Variants in UAP1 observed in about 807,000 individuals in gnomAD.
The protein encoded by UAP1 is UDP-N-acetylglucosamine pyrophosphorylase 1, also known as UDP-N-acetylhexosamine pyrophosphorylase.
In UAP1, 25 loss-of-function variants were observed where a neutral mutation model predicts 58.5. The observed-to-expected ratio is 0.43, with a 90% CI of 0.31 to 0.60. The LOEUF is 0.60. UAP1 is among the 20% of genes least tolerant of loss of function. UAP1 has a pLI of 0.11. For synonymous variants in UAP1, 208 were observed against 213.0 expected, an observed-to-expected ratio of 0.98 and a Z score of 0.21; for missense variants, 575 against 630.0, an observed-to-expected ratio of 0.91 and a Z score of 0.93.
chr1:162,588,887 T>G, intron 7 of UAP1, 54 bp downstream of exon 7: 1 of 1,543,856 alleles, frequency 6.5e-7, no homozygotes, highest in East Asian at 2.3e-5. Context: ...AATGCTGCTT[T>G]TCACTCTCTT....
rs74116759 is a variant in UAP1, at chr1:162,562,193, G to A, written c.-58+416G>A. ...GGCAGTAGAGACCTCGAGGCTCTCAGGCTAGGGCCTTGTGGACAGTTATAC... is the reference window on the plus strand; with the variant it reads ...GGCAGTAGAGACCTCGAGGCTCTCAAGCTAGGGCCTTGTGGACAGTTATAC... On this transcript the variant is annotated intron_variant, in intron 1 of 10. Coordinates refer to ENST00000271469, the Ensembl canonical transcript of UAP1. Among the ~76,000 whole-genome samples, 1,141 of 152,206 alleles carry A rather than the reference G, an allele frequency of 7.5e-3. 12 individuals are homozygous for A. The highest frequency in any genetic ancestry group is 0.049 in the East Asian group (250 of 5,134).
chr1:162,592,788 T>G lies in UAP1; in HGVS notation c.1409+6T>G, dbSNP rs1033346190. 3 of 1,549,018 alleles carry G rather than the reference T, an allele frequency of 1.9e-6. No individual in the cohort carries two copies. Among genetic ancestry groups the G allele is most frequent in the African/African-American group, 2.7e-5 (2 of 72,976 alleles). The stretch of plus-strand genomic sequence containing the variant: ...ACAGCTGATGTCAATCACAAGTAAA[T>G]ATACCAGCCTGCCTACAGTGCATGG... On this transcript the variant is annotated splice_donor_region_variant and intron_variant, in intron 9 of 10. Transcript: ENST00000271469.
Position 162,585,686 on chromosome 1 carries a change from T to C in UAP1, c.835-1789T>C, listed in dbSNP as rs551150415. The stretch of plus-strand genomic sequence containing the variant: ...TTAATAGTTGCCATAGAAGTAAACC[T>C]TTGGGAAATGTAAAATGTGAATATG... On this transcript the variant is annotated intron_variant, in intron 5 of 10. Transcript: ENST00000271469. Among the ~76,000 whole-genome samples the C allele has an allele frequency of 6.6e-5, 10 of 152,286 alleles. No individual in the cohort carries two copies. In the South Asian group the frequency reaches 1.7e-3, roughly 25 times the overall value.
intron 1 of UAP1, among the ~76,000 whole-genome samples, chr1:162,565,493 A>G (rs1268566614): frequency 1.3e-5 from 2 of 152,320 alleles, no homozygotes; most frequent in Non-Finnish European, 2.9e-5. Flanking sequence ...TCCTTATTAT[A>G]GGTTGTTCTG....
intron 8 of UAP1, among the ~76,000 whole-genome samples, chr1:162,592,335 G>A (rs1421531691): frequency 6.6e-6 from 1 of 152,204 alleles, no homozygotes; most frequent in Non-Finnish European, 1.5e-5. Context: ...GTTTCAGTGA[G>A]CTGAGACTGT....
intron 1 of UAP1, 69 bp from the exon 2 acceptor site, chr1:162,565,943 A>T (rs762614235): frequency 1.1e-6 from 1 of 944,468 alleles, no homozygotes; most frequent in Non-Finnish European, 1.6e-6. Flanking sequence ...TCTTATTTTT[A>T]GAGGGGAAAA....
chr1:162,579,965 A>G (rs1404153608), intron 4 of UAP1, among the ~76,000 whole-genome samples: 1 of 152,184 alleles, frequency 6.6e-6, no homozygotes, highest in African/African-American at 2.4e-5. Flanking sequence ...ACTGGGTTCA[A>G]GTGATTCTCC....
At chr1:162,596,123 G>T (rs1291333343) in intron 9 of UAP1, among the ~76,000 whole-genome samples, 1 of 151,940 alleles carries the variant, frequency 6.6e-6, no homozygotes, top group Non-Finnish European at 1.5e-5. Context: ...AAAGTGCTGA[G>T]ATTATAGGCA....
intron 5 of UAP1, 50 bp downstream of exon 5, chr1:162,581,509 A>G (rs1294873955): frequency 7.8e-6 from 12 of 1,540,198 alleles, no homozygotes; most frequent in Non-Finnish European, 7.0e-6. Context: ...TTGCTCTGTC[A>G]TATACGCATT....
At chr1:162,590,534 T>C (rs780623182) in intron 8 of UAP1, 23 bp downstream of exon 8, 5 of 1,572,946 alleles carry the variant, frequency 3.2e-6, no homozygotes, top group Non-Finnish European at 4.3e-6. Context: ...CTTTTCTCTT[T>C]TGTATGAATC....
chr1:162,592,851 G>A (rs910560211), intron 9 of UAP1, 69 bp downstream of exon 9: 37 of 1,371,970 alleles, frequency 2.7e-5, no homozygotes, highest in Non-Finnish European at 3.6e-5. Context: ...AACTGGCATC[G>A]TAGTTTAGTG....
chr1:162,588,849 T>C lies in UAP1; in HGVS notation c.1169+16T>C. On this transcript the variant is annotated intron_variant, in intron 7 of 10. Transcript: ENST00000271469. ...AGTTTGCAAAGTATGCTTTGAATAG[T>C]ACCAATAAGGTTAAATAAATGTCTT... The C allele has an allele frequency of 6.2e-7, 1 of 1,602,002 alleles. No individual in the cohort carries two copies. The highest frequency in any genetic ancestry group is 1.1e-5 in the South Asian group (1 of 89,378).
At chr1:162,578,903 T>G (rs1654377537) in intron 3 of UAP1, among the ~76,000 whole-genome samples, 1 of 152,206 alleles carries the variant, frequency 6.6e-6, no homozygotes, top group Non-Finnish European at 1.5e-5. Context: ...TAATTATAGT[T>G]TTAGAAATAA....
chr1:162,561,588 G>T (rs1653133624), exon 1 of UAP1: 2 of 151,970 alleles, frequency 1.3e-5, no homozygotes, highest in African/African-American at 2.4e-5. Flanking sequence ...TTCAGGCGTC[G>T]GCAGCCACTA....
At chr1:162,574,316 C>T (rs544666120) in intron 2 of UAP1, among the ~76,000 whole-genome samples, 4 of 152,254 alleles carry the variant, frequency 2.6e-5, no homozygotes, top group African/African-American at 7.2e-5. Flanking sequence ...TGGTCTTGAA[C>T]TCCTGACCTC....
intron 1 of UAP1, among the ~76,000 whole-genome samples, 193 bp downstream of exon 1, chr1:162,561,970 C>T (rs1375091644): frequency 1.3e-5 from 2 of 152,222 alleles, no homozygotes; most frequent in Non-Finnish European, 2.9e-5. Flanking sequence ...AGCCCGTGCG[C>T]CCCGCAGTCG....
At chr1:162,590,592 G>C (rs1007682676) in intron 8 of UAP1, 81 bp downstream of exon 8, 31 of 1,127,880 alleles carry the variant, frequency 2.7e-5, no homozygotes, top group Non-Finnish European at 3.6e-5. Flanking sequence ...CTCTCTCTCT[G>C]TATTCCTAGA....
intron 7 of UAP1, among the ~76,000 whole-genome samples, chr1:162,589,965 C>G (rs572604109): frequency 6.6e-6 from 1 of 151,014 alleles, no homozygotes; most frequent in Non-Finnish European, 1.5e-5. Context: ...AGTGAGACTC[C>G]GTCTCAAAAA....
intron 3 of UAP1, among the ~76,000 whole-genome samples, chr1:162,578,546 T>TA (rs1431533182): frequency 2.6e-5 from 4 of 152,336 alleles, no homozygotes; most frequent in East Asian, 1.9e-4. Flanking sequence ...ACATTCTACT[T>TA]ACAGCCCTGG....
Sources: gnomAD v4.1 joint callset for allele counts (sites outside exome capture counted in the v4.1 genomes callset) on GRCh38, gnomAD v4.1.1 for gene constraint, MANE v1.5 for transcripts, NCBI Gene and HGNC (gene_info 2026-07-23, HGNC 2026-07-21) for gene names.